The following COL27A1 variants were observed in gnomAD, a reference collection of about 807,000 sequenced individuals.
COL27A1 encodes collagen type XXVII alpha 1 chain.
COL27A1 carries 106 observed loss-of-function variants against 251.3 expected under a neutral mutation model. That is an observed-to-expected ratio of 0.42 (90% confidence interval 0.36 to 0.50). The LOEUF (loss-of-function observed/expected upper bound fraction) is 0.50. COL27A1 is among the 20% of genes least tolerant of loss of function. COL27A1 has a pLI of 0.00. For missense variants in COL27A1, 2,325 were observed against 2,522.8 expected (o/e 0.92, Z 1.68); for synonymous variants, 1,000 against 986.3 (o/e 1.01, Z -0.26).
At chr9:114,289,890 TC>T (rs1827787443) in intron 45 of COL27A1, among the ~76,000 whole-genome samples, 167 bp from the exon 46 acceptor site, 1 of 152,114 alleles carries the variant, frequency 6.6e-6, no homozygotes, top group South Asian at 2.1e-4. Context: ...CCCAGGAGGT[TC>T]CAAGGCCAGC....
intron 18 of COL27A1, 100 bp from the exon 19 acceptor site, chr9:114,237,562 C>A: frequency 4.0e-6 from 4 of 1,004,312 alleles, no homozygotes; most frequent in Non-Finnish European, 6.4e-6. Context: ...GCACATGCTT[C>A]TGAACTTTCC....
In COL27A1 at chr9:114,289,250, G is replaced by T; in HGVS notation, c.4161G>T (p.Pro1387=). The change falls in exon 45 of 61, where the codon CCG becomes CCT. Residue 1387 remains proline, a synonymous_variant. Coordinates refer to ENST00000356083, the MANE Select transcript of COL27A1 (RefSeq NM_032888.4). The part of the protein sequence containing the change: ...KPGQQGQPGH[P]GPRGWPGPKG... The stretch of plus-strand genomic sequence containing the variant: ...CTCACCTTGGTTTGCAGGGGCATCC[G>T]GGACCCCGGGGGTGGCCGGGACCCA... The T allele has an allele frequency of 6.3e-7, 1 of 1,589,410 alleles. No homozygotes were observed. The highest frequency in any genetic ancestry group is 1.3e-5 in the African/African-American group (1 of 74,334).
At chr9:114,235,526 AG>A (rs1254544514) in intron 16 of COL27A1, 72 bp from the exon 17 acceptor site, 3 of 1,147,316 alleles carry the variant, frequency 2.6e-6, no homozygotes, top group African/African-American at 1.5e-5. Context: ...GTACCTCGCC[AG>A]GGGGTCTGTG....
At chr9:114,294,740 AT>A (rs2131640559) in intron 49 of COL27A1, among the ~76,000 whole-genome samples, 1 of 152,368 alleles carries the variant, frequency 6.6e-6, no homozygotes, top group South Asian at 2.1e-4. Context: ...CTTAGTAGTG[AT>A]TGACTGAATG....
intron 16 of COL27A1, 62 bp from the exon 17 acceptor site, chr9:114,235,537 G>T: frequency 1.6e-6 from 2 of 1,283,770 alleles, no homozygotes; most frequent in South Asian, 1.2e-5. Flanking sequence ...GGGGGTCTGT[G>T]GGGGAGGCTT....
chr9:114,251,800 T>C (rs1753981156), intron 25 of COL27A1, among the ~76,000 whole-genome samples: 1 of 152,244 alleles, frequency 6.6e-6, no homozygotes, highest in African/African-American at 2.4e-5. Flanking sequence ...CGAGGGAAGC[T>C]TTCCCTGACC....
intron 59 of COL27A1, among the ~76,000 whole-genome samples, chr9:114,308,034 A>C (rs942637180): frequency 1.3e-5 from 2 of 152,258 alleles, no homozygotes; most frequent in Non-Finnish European, 2.9e-5. Flanking sequence ...TCTGCCTAAT[A>C]TCTAAAGCAG....
At chr9:114,273,622 C>A (rs1325964611) in intron 36 of COL27A1, 1 of 152,440 alleles carries the variant, frequency 6.6e-6, no homozygotes, top group Non-Finnish European at 1.5e-5. Context: ...TGCTCTCTCT[C>A]CTCTGGATGC....
chr9:114,244,598 C>T (rs915522232), intron 23 of COL27A1, among the ~76,000 whole-genome samples: 3 of 152,324 alleles, frequency 2.0e-5, no homozygotes, highest in African/African-American at 7.2e-5. Flanking sequence ...TCATCCATAT[C>T]TCCCTCCCTT....
At chr9:114,178,199 C>A in intron 3 of COL27A1, 92 bp from the exon 4 acceptor site, 1 of 1,089,652 alleles carries the variant, frequency 9.2e-7, no homozygotes, top group Non-Finnish European at 1.4e-6. Context: ...TCCATGCCCA[C>A]AGCTGCAGGC....
At chr9:114,234,264 T>C (rs1588719776) in intron 16 of COL27A1, among the ~76,000 whole-genome samples, 1 of 151,630 alleles carries the variant, frequency 6.6e-6, no homozygotes, top group South Asian at 2.1e-4. Flanking sequence ...ACCAGGATGT[T>C]GTACAGGATT....
chr9:114,295,668 T>C (rs1391459932), intron 49 of COL27A1, among the ~76,000 whole-genome samples: 1 of 152,274 alleles, frequency 6.6e-6, no homozygotes, highest in Non-Finnish European at 1.5e-5. Context: ...GTTTTTTTGT[T>C]TTTTTTGAGA....
chr9:114,195,176 T>C (rs115303960), intron 6 of COL27A1, among the ~76,000 whole-genome samples: 210 of 152,296 alleles, frequency 1.4e-3, no homozygotes, highest in African/African-American at 4.5e-3. Flanking sequence ...GCCATCCTGA[T>C]GGATGGAACA....
In COL27A1 at chr9:114,198,125, C is replaced by T. The variant is rs141720975; in HGVS notation, c.2124+2113C>T. On this transcript the variant is annotated intron_variant, in intron 7 of 60. Coordinates refer to ENST00000356083, the MANE Select transcript of COL27A1 (RefSeq NM_032888.4). ...AGTGGATAAGAGGTGAGGTTAGCTT[C>T]CTCTTCGTGCTTACCAGCACATTGA... Among the ~76,000 whole-genome samples, 829 of 152,332 alleles carry T rather than the reference C, an allele frequency of 5.4e-3. 6 individuals carry two copies. Among genetic ancestry groups the T allele is most frequent in the African/African-American group, 0.019 (789 of 41,574 alleles).
chr9:114,163,403 TA>T lies in COL27A1; in HGVS notation c.133+632del, dbSNP rs778377725. Among the ~76,000 whole-genome samples, 573 of 140,538 alleles carry T rather than the reference TA, an allele frequency of 4.1e-3. 1 individual carries two copies. The highest frequency in any genetic ancestry group is 0.012 in the Middle Eastern group (3 of 260). The allele number at this position is 140,538 out of a possible 152,430, so 92.2% of individuals were successfully genotyped here. On this transcript the variant is annotated intron_variant, in intron 2 of 60. Coordinates refer to ENST00000356083, the MANE Select transcript of COL27A1 (RefSeq NM_032888.4). The stretch of plus-strand genomic sequence containing the variant: ...GTCCAATGAGTGCTCTAAGAACTGC[TA>T]AAAAAAAAAAAAAGGCATTAAGCAT...
At chr9:114,264,507 C>A in intron 29 of COL27A1, 99 bp downstream of exon 29, 1 of 955,172 alleles carries the variant, frequency 1.0e-6, no homozygotes, top group Non-Finnish European at 1.5e-6. Flanking sequence ...CCCTTAGGGA[C>A]AACAAAGGGA....
chr9:114,203,387 C>T (rs141190945), intron 7 of COL27A1, among the ~76,000 whole-genome samples: 2 of 152,300 alleles, frequency 1.3e-5, no homozygotes, highest in African/African-American at 2.4e-5. Context: ...AACTTTGTAG[C>T]CCCATGTTAT....
chr9:114,204,139 A>G (rs761984369), intron 7 of COL27A1, among the ~76,000 whole-genome samples: 6 of 152,154 alleles, frequency 3.9e-5, no homozygotes, highest in Non-Finnish European at 7.3e-5. Flanking sequence ...GTTCTAAAAC[A>G]TCATAGCTGA....
intron 2 of COL27A1, among the ~76,000 whole-genome samples, chr9:114,163,871 A>T (rs1588553602): frequency 7.7e-6 from 1 of 129,840 alleles, no homozygotes; most frequent in Non-Finnish European, 1.7e-5. Flanking sequence ...GGGCGGGGGG[A>T]GAGGCTGGAG....
Sources: gnomAD v4.1 joint callset for allele counts (sites outside exome capture counted in the v4.1 genomes callset) on GRCh38, gnomAD v4.1.1 for gene constraint, MANE v1.5 for transcripts, NCBI Gene and HGNC (gene_info 2026-07-23, HGNC 2026-07-21) for gene names.